The following SDHAF4 variants were observed in gnomAD, a reference collection of about 807,000 sequenced individuals.
SDHAF4 encodes succinate dehydrogenase assembly factor 4, mitochondrial.
SDHAF4 carries 14 observed loss-of-function variants against 14.3 expected under a neutral mutation model. That is an observed-to-expected ratio of 0.98 (90% CI 0.65 to 1.53). SDHAF4 has a LOEUF of 1.53. Among genes scored for constraint, SDHAF4 ranks in the 40% most tolerant of loss-of-function variants. The pLI is 0.00. For missense variants in SDHAF4, 141 were observed against 129.3 expected (o/e 1.09, Z -0.44); for synonymous variants, 63 against 47.3 (o/e 1.33, Z -1.36).
Position 70,579,450 on chromosome 6 carries a change from GTTC to G in SDHAF4, c.106_108del (p.Ser36del). The G allele has an allele frequency of 6.2e-7, 1 of 1,607,482 alleles. No individual in the cohort carries two copies. On this transcript the variant is annotated inframe_deletion, in exon 2 of 3. Transcript: ENST00000370474. ...CTGTGTCATTCTCTGAGGAAAACAA[GTTC>G]TTCTCAAGGAGGAAAGTCTGAACTT...
intron 2 of SDHAF4, among the ~76,000 whole-genome samples, chr6:70,587,581 T>C (rs1765218173): frequency 6.6e-6 from 1 of 152,208 alleles, no homozygotes; most frequent in African/African-American, 2.4e-5. Context: ...GTGCAGTGTA[T>C]GGGCTGAGAA....
At chr6:70,595,538 C>A in the SDHAF4 span, among the ~76,000 whole-genome samples, 2 of 152,292 alleles carry the variant, frequency 1.3e-5, no homozygotes, top group South Asian at 4.1e-4. Flanking sequence ...ATTCAGTCAA[C>A]CTCCAACTGC....
chr6:70,587,789 C>T (rs750283137), intron 2 of SDHAF4, among the ~76,000 whole-genome samples: 2 of 152,092 alleles, frequency 1.3e-5, no homozygotes, highest in Non-Finnish European at 2.9e-5. Flanking sequence ...TTGAGCCTGG[C>T]TTGTGATGGG....
At chr6:70,598,356 G>C in the SDHAF4 span, among the ~76,000 whole-genome samples, 1 of 152,056 alleles carries the variant, frequency 6.6e-6, no homozygotes, top group Non-Finnish European at 1.5e-5. Flanking sequence ...TCCAGCGTGG[G>C]CAACACAGTG....
At chr6:70,595,571 T>A in the SDHAF4 span, among the ~76,000 whole-genome samples, 2 of 152,248 alleles carry the variant, frequency 1.3e-5, no homozygotes, top group South Asian at 2.1e-4. Context: ...AGTTTTTTAC[T>A]AAGTTAACAT....
At chr6:70,594,800 T>C in the SDHAF4 span, among the ~76,000 whole-genome samples, 1 of 151,738 alleles carries the variant, frequency 6.6e-6, no homozygotes, top group Admixed American at 6.6e-5. Flanking sequence ...TAATCCCAGC[T>C]ACTCGGGAGG....
chr6:70,579,102 G>A (rs1280875627), intron 1 of SDHAF4, among the ~76,000 whole-genome samples: 1 of 152,154 alleles, frequency 6.6e-6, no homozygotes, highest in East Asian at 1.9e-4. Context: ...GTACTACTAA[G>A]TTACTCTTAA....
At chr6:70,596,388 G>C in the SDHAF4 span, 1 of 152,166 alleles carries the variant, frequency 6.6e-6, no homozygotes, top group Non-Finnish European at 1.5e-5. Context: ...TACTGTCTGA[G>C]ATTCTTCCTA....
downstream of SDHAF4, among the ~76,000 whole-genome samples, chr6:70,592,805 A>G (rs957020436): frequency 6.6e-6 from 1 of 152,230 alleles, no homozygotes; most frequent in African/African-American, 2.4e-5. Context: ...TAGAGAATGA[A>G]AGAGTTTTTT....
downstream of SDHAF4, among the ~76,000 whole-genome samples, chr6:70,593,924 A>T (rs1445495596): frequency 6.6e-6 from 1 of 152,006 alleles, no homozygotes. Flanking sequence ...TGAACTCCTG[A>T]CCTCAAGGGA....
the SDHAF4 span, among the ~76,000 whole-genome samples, chr6:70,595,760 C>T: frequency 1.3e-5 from 2 of 149,160 alleles, no homozygotes; most frequent in Non-Finnish European, 1.5e-5. Flanking sequence ...CGCTTGAACC[C>T]GGGAGGCGGA....
At chr6:70,595,697 G>A in the SDHAF4 span, among the ~76,000 whole-genome samples, 4 of 152,008 alleles carry the variant, frequency 2.6e-5, no homozygotes, top group Admixed American at 1.3e-4. Flanking sequence ...ATAGCTGGGC[G>A]CGGTGGCGCA....
intron 2 of SDHAF4, among the ~76,000 whole-genome samples, chr6:70,586,428 CTTTTTTTT>C (rs70990316): frequency 9.7e-4 from 78 of 80,310 alleles, no homozygotes; most frequent in South Asian, 5.5e-3. Flanking sequence ...ATTTGTTTGC[CTTTTTTTT>C]TTTTTTTTTT....
intron 1 of SDHAF4, among the ~76,000 whole-genome samples, chr6:70,570,743 T>G (rs1413239665): frequency 6.6e-6 from 1 of 152,198 alleles, no homozygotes. Flanking sequence ...CATTAAGGTG[T>G]GATATTGCAG....
Position 70,567,024 on chromosome 6 carries a change from GC to G in SDHAF4, c.64+22del. 6.4e-7 allele frequency: 1 copy of G among 1,569,600 alleles called. No homozygotes were observed. On this transcript the variant is annotated intron_variant, in intron 1 of 2. Transcript: ENST00000370474. ...CGGCAAGTAAGCACCTGGCCTCGGG[GC>G]CACGGTCGCGGGAGGGGTCGTGAAG...
At position 70,566,936 on chromosome 6, in the gene SDHAF4, G is replaced by T. The variant is rs1802103278; in HGVS notation, c.-5G>T. The T allele has an allele frequency of 6.3e-7, 1 of 1,578,358 alleles. No individual in the cohort carries two copies. Among genetic ancestry groups the T allele is most frequent in the Non-Finnish European group, 8.6e-7 (1 of 1,162,048 alleles). On this transcript the variant is annotated 5_prime_UTR_variant, in exon 1 of 3. Coordinates refer to ENST00000370474, the MANE Select transcript of SDHAF4 (RefSeq NM_145267.3). ...GCCTGCGCGGAGGCTCGGGGAGTCG[G>T]CGCCATGACCCCATCGAGGCTTCCC...
chr6:70,579,671 G>T, intron 2 of SDHAF4, 105 bp downstream of exon 2: 1 of 904,782 alleles, frequency 1.1e-6, no homozygotes, highest in East Asian at 2.8e-5. Flanking sequence ...CTTAAATTCT[G>T]TAGTAATAAA....
chr6:70,587,550 G>A (rs1436943150), intron 2 of SDHAF4, among the ~76,000 whole-genome samples: 1 of 152,146 alleles, frequency 6.6e-6, no homozygotes, highest in African/African-American at 2.4e-5. Context: ...TTCCTCTCCT[G>A]TTTTTTCCAT....
intron 2 of SDHAF4, among the ~76,000 whole-genome samples, chr6:70,588,170 A>G (rs116402911): frequency 1.2e-3 from 187 of 152,346 alleles, no homozygotes; most frequent in African/African-American, 4.2e-3. Flanking sequence ...CAGTTCTTTT[A>G]AAGACTGCAT....
Sources: gnomAD v4.1 joint callset for allele counts (sites outside exome capture counted in the v4.1 genomes callset) on GRCh38, gnomAD v4.1.1 for gene constraint, MANE v1.5 for transcripts, NCBI Gene and HGNC (gene_info 2026-07-23, HGNC 2026-07-21) for gene names.